The following DNAH9 variants were observed in gnomAD, a reference collection of about 807,000 sequenced individuals.
DNAH9 encodes the protein DNAH9 variant protein.
DNAH9 carries 345 observed loss-of-function variants against 471.6 expected under a neutral mutation model. The ratio of observed to expected loss-of-function variants is 0.73; its 90% CI spans 0.67 to 0.80. DNAH9 has a LOEUF of 0.80. Among genes scored for constraint, DNAH9 ranks in the 30% least tolerant of loss-of-function variants. DNAH9 has a pLI of 0.00. For synonymous variants in DNAH9, 2,093 were observed against 2,123.6 expected (o/e 0.99, Z 0.40); for missense variants, 5,407 against 5,609.2 (o/e 0.96, Z 1.15).
Position 11,837,827 on chromosome 17 carries a change from C to T in DNAH9, c.9507+2929C>T, listed in dbSNP as rs143980308. On this transcript the variant is annotated intron_variant, in intron 49 of 68. Transcript: ENST00000262442. ...TCCTTTTGCCGTTCTACTCCACCCA[C>T]GCCAACCTTCCTGCTGGGTCTCAAA... is the stretch of plus-strand genomic sequence containing the variant. Among the ~76,000 whole-genome samples, 679 of 152,316 alleles carry T rather than the reference C, an allele frequency of 4.5e-3. 3 individuals carry two copies. The highest frequency in any genetic ancestry group is 0.015 in the African/African-American group (632 of 41,570).
intron 49 of DNAH9, among the ~76,000 whole-genome samples, chr17:11,849,084 C>G (rs1213552966): frequency 6.6e-6 from 1 of 152,176 alleles, no homozygotes; most frequent in African/African-American, 2.4e-5. Flanking sequence ...GATCCACCTG[C>G]CTTGGCCTCC....
intron 33 of DNAH9, among the ~76,000 whole-genome samples, chr17:11,755,897 C>A (rs1029680710): frequency 6.6e-6 from 1 of 152,068 alleles, no homozygotes; most frequent in Non-Finnish European, 1.5e-5. Flanking sequence ...AATGAGGAAG[C>A]CTCACAATCA....
chr17:11,847,593 A>G (rs1283316876), intron 49 of DNAH9, among the ~76,000 whole-genome samples: 1 of 152,202 alleles, frequency 6.6e-6, no homozygotes, highest in African/African-American at 2.4e-5. Flanking sequence ...TTTTGGTACC[A>G]GTGCCATAAA....
At chr17:11,823,268 T>A (rs1970377229) in intron 48 of DNAH9, among the ~76,000 whole-genome samples, 1 of 152,112 alleles carries the variant, frequency 6.6e-6, no homozygotes, top group Non-Finnish European at 1.5e-5. Flanking sequence ...AGTAACAGTA[T>A]CCTCACCATC....
At chr17:11,915,160 T>G (rs898833097) in intron 61 of DNAH9, among the ~76,000 whole-genome samples, 3 of 152,214 alleles carry the variant, frequency 2.0e-5, no homozygotes, top group Non-Finnish European at 4.4e-5. Flanking sequence ...TGCAAACCCT[T>G]GCCATTCTGC....
chr17:11,841,236 T>A (rs1398416621), intron 49 of DNAH9, among the ~76,000 whole-genome samples: 2 of 152,150 alleles, frequency 1.3e-5, no homozygotes, highest in Non-Finnish European at 2.9e-5. Context: ...GTCTCAATCA[T>A]TTTAGGAGGT....
chr17:11,786,356 A>G (rs569742593), intron 41 of DNAH9, among the ~76,000 whole-genome samples: 2 of 152,256 alleles, frequency 1.3e-5, no homozygotes, highest in African/African-American at 4.8e-5. Flanking sequence ...TTAAAAAAAA[A>G]ATTCTCGTGG....
In DNAH9 at chr17:11,897,138, C is replaced by T. The variant is rs568027213; in HGVS notation, c.11406+2642C>T. Among the ~76,000 whole-genome samples the T allele has an allele frequency of 1.5e-4, 23 of 152,316 alleles. No homozygotes were observed. In the East Asian group the frequency reaches 3.3e-3, roughly 22 times the overall value. ...GCAAGATATTTTCTTTAAGCCAATA[C>T]AGCCAAAATATTATCTCAATATGCA... is the stretch of plus-strand genomic sequence containing the variant. On this transcript the variant is annotated intron_variant, in intron 59 of 68. Transcript: ENST00000262442.
intron 26 of DNAH9, among the ~76,000 whole-genome samples, chr17:11,714,889 A>G (rs1392445387): frequency 3.9e-5 from 6 of 152,140 alleles, no homozygotes; most frequent in Admixed American, 2.0e-4. Context: ...TGAGCTTGGA[A>G]GTAGACTCTA....
In DNAH9 at chr17:11,604,822, G is replaced by A. The variant is rs117309895; in HGVS notation, c.418-3307G>A. ...CCACTACCCACTGTGCCACACCACCGTCTTCTGTATTATAGCACCAACTTG... is the reference window on the plus strand; with the variant it reads ...CCACTACCCACTGTGCCACACCACCATCTTCTGTATTATAGCACCAACTTG... On this transcript the variant is annotated intron_variant, in intron 1 of 68. Coordinates refer to ENST00000262442, the MANE Select transcript of DNAH9 (RefSeq NM_001372.4). 9.6e-3 allele frequency among the ~76,000 whole-genome samples: 1,456 copies of A among 152,050 alleles called. 20 individuals are homozygous for A. Among genetic ancestry groups the A allele is most frequent in the Admixed American group, 0.039 (598 of 15,268 alleles).
intron 43 of DNAH9, among the ~76,000 whole-genome samples, chr17:11,800,476 T>C (rs1305358357): frequency 3.9e-5 from 6 of 152,162 alleles, no homozygotes; most frequent in Admixed American, 1.3e-4. Context: ...TATGTTATCA[T>C]TTATCAAAAA....
intron 19 of DNAH9, among the ~76,000 whole-genome samples, chr17:11,686,108 A>G (rs532370191): frequency 6.6e-6 from 1 of 152,066 alleles, no homozygotes; most frequent in African/African-American, 2.4e-5. Flanking sequence ...GTTTTATGCT[A>G]CCTGGTGGGT....
intron 14 of DNAH9, among the ~76,000 whole-genome samples, chr17:11,654,915 TCCA>T (rs1452222364): frequency 6.6e-6 from 1 of 152,090 alleles, no homozygotes; most frequent in Non-Finnish European, 1.5e-5. Context: ...TTACACAACC[TCCA>T]GGGTAGTCAT....
At chr17:11,951,541 C>G (rs1975360119) in intron 67 of DNAH9, among the ~76,000 whole-genome samples, 2 of 151,842 alleles carry the variant, frequency 1.3e-5, no homozygotes, top group African/African-American at 4.8e-5. Context: ...ATTAGCTGGG[C>G]ATAGTGGCTA....
intron 61 of DNAH9, among the ~76,000 whole-genome samples, chr17:11,922,461 T>G (rs1974168402): frequency 6.6e-6 from 1 of 152,196 alleles, no homozygotes; most frequent in Non-Finnish European, 1.5e-5. Flanking sequence ...TTTATTGGAT[T>G]GTGCTAAGAG....
rs71142253 is a variant in DNAH9 at position 11,926,035 on chromosome 17, GAAAAAAAAAAA to G, written c.11877+2111_11877+2121del. On this transcript the variant is annotated intron_variant, in intron 62 of 68. Coordinates refer to ENST00000262442, the MANE Select transcript of DNAH9 (RefSeq NM_001372.4). Reference sequence around the variant, plus strand: ...AGCCTGTAAACCTGAGAGATTCTCTGAAAAAAAAAAAAAAAAAAAAAAAAAAAGCTGGGGGG... The same window carrying G: ...AGCCTGTAAACCTGAGAGATTCTCTGAAAAAAAAAAAAAAAAGCTGGGGGG... Among the ~76,000 whole-genome samples the G allele has an allele frequency of 4.0e-3, 237 of 59,930 alleles. 9 individuals carry two copies. In the East Asian group the frequency reaches 0.13, roughly 34 times the overall value. The allele number at this position is 59,930 out of a possible 152,430, so 39.3% of individuals were successfully genotyped here.
rs2073502553 is a variant in DNAH9, at chr17:11,651,329, C to G, written c.2353+5C>G. 2 of 1,610,224 alleles carry G rather than the reference C, an allele frequency of 1.2e-6. No homozygotes were observed. The highest frequency in any genetic ancestry group is 2.2e-5 in the East Asian group (1 of 44,858). On this transcript the variant is annotated splice_donor_5th_base_variant and intron_variant, in intron 13 of 68. Transcript: ENST00000262442. ...CTTTGAACTGGAAAACAGAAGGTAACAGGGCACCATCTGAAGTCTGACAAA... is the reference window on the plus strand; with the variant it reads ...CTTTGAACTGGAAAACAGAAGGTAAGAGGGCACCATCTGAAGTCTGACAAA...
At chr17:11,669,845 C>T (rs2073946448) in intron 17 of DNAH9, 51 bp downstream of exon 17, 1 of 1,465,752 alleles carries the variant, frequency 6.8e-7, no homozygotes, top group African/African-American at 1.4e-5. Context: ...GTGAGGAACA[C>T]CATGTTTTTA....
At chr17:11,884,697 G>A (rs2150998703) in intron 56 of DNAH9, 1 of 388,094 alleles carries the variant, frequency 2.6e-6, no homozygotes, top group African/African-American at 2.1e-5. Flanking sequence ...GGAAGAGTCA[G>A]CCGAACATTG....
Sources: gnomAD v4.1 joint callset for allele counts (sites outside exome capture counted in the v4.1 genomes callset) on GRCh38, gnomAD v4.1.1 for gene constraint, MANE v1.5 for transcripts, NCBI Gene and HGNC (gene_info 2026-07-23, HGNC 2026-07-21) for gene names.